The following CTNNA3 variants were observed in gnomAD, a reference collection of about 807,000 sequenced individuals.
CTNNA3 encodes catenin alpha 3, also known as catenin alpha-3.
Under a neutral mutation model 95.7 loss-of-function variants are expected in CTNNA3, and 76 were observed. The observed-to-expected ratio is 0.79, with a 90% CI of 0.66 to 0.96. The LOEUF (loss-of-function observed/expected upper bound fraction) is 0.96. Ranked by LOEUF, CTNNA3 falls within the 40% of genes least tolerant of loss-of-function variation. CTNNA3 has a pLI of 0.00. For missense variants in CTNNA3, 1,191 were observed against 1,089.8 expected (o/e 1.09, Z -1.31); for synonymous variants, 431 against 374.4 (o/e 1.15, Z -1.74).
intron 5 of CTNNA3, among the ~76,000 whole-genome samples, chr10:67,292,660 G>A (rs1283108349): frequency 3.9e-5 from 6 of 151,924 alleles, no homozygotes; most frequent in South Asian, 2.1e-4. Flanking sequence ...TTTTATCAAC[G>A]TTTGTAATAA....
intron 15 of CTNNA3, 44 bp downstream of exon 15, chr10:66,069,264 T>A (rs758607938): frequency 2.5e-6 from 4 of 1,575,120 alleles, no homozygotes; most frequent in Non-Finnish European, 3.5e-6. Flanking sequence ...TGACTAATAT[T>A]TTCAGCCATT....
chr10:66,006,784 T>A (rs751717895), intron 15 of CTNNA3, among the ~76,000 whole-genome samples: 11 of 152,224 alleles, frequency 7.2e-5, no homozygotes, highest in Non-Finnish European at 1.2e-4. Flanking sequence ...TTAGTTAGCA[T>A]CTGACCTTCT....
chr10:66,874,693 G>A (rs1488239438), intron 7 of CTNNA3, among the ~76,000 whole-genome samples: 1 of 152,028 alleles, frequency 6.6e-6, no homozygotes, highest in Non-Finnish European at 1.5e-5. Context: ...ATTCATCCTG[G>A]TATATACCAA....
At chr10:66,687,658 T>C (rs1470912414) in intron 9 of CTNNA3, among the ~76,000 whole-genome samples, 2 of 151,838 alleles carry the variant, frequency 1.3e-5, no homozygotes, top group Non-Finnish European at 2.9e-5. Context: ...CTACCTTTTT[T>C]TCTCACCTTA....
rs190104535 is a variant in CTNNA3 at position 66,144,138 on chromosome 10, T to G, written c.1885-40889A>C. On this transcript the variant is annotated intron_variant, in intron 13 of 17. Transcript: ENST00000433211. Reference sequence around the variant, plus strand: ...ATTGCATTTCTGTGATTTCTTTTTTTACTGCAGCATCTCTAAAATCTCTTC... The same window carrying G: ...ATTGCATTTCTGTGATTTCTTTTTTGACTGCAGCATCTCTAAAATCTCTTC... Among the ~76,000 whole-genome samples, 17 of 152,320 alleles carry G rather than the reference T, an allele frequency of 1.1e-4. No individual in the cohort carries two copies. The East Asian group carries it at 3.3e-3, about 29-fold the overall frequency.
chr10:67,613,898 T>C (rs1843553755), intron 2 of CTNNA3, among the ~76,000 whole-genome samples: 1 of 152,156 alleles, frequency 6.6e-6, no homozygotes, highest in Non-Finnish European at 1.5e-5. Context: ...AGTTGGTTCC[T>C]TCTGGTGGGT....
intron 13 of CTNNA3, among the ~76,000 whole-genome samples, chr10:66,145,378 G>A (rs989646201): frequency 6.6e-6 from 1 of 152,202 alleles, no homozygotes; most frequent in Admixed American, 6.5e-5. Context: ...AAGTAGCAGA[G>A]AGGCCCATGA....
At chr10:67,416,107 TC>T (rs1413602467) in intron 5 of CTNNA3, among the ~76,000 whole-genome samples, 1 of 151,978 alleles carries the variant, frequency 6.6e-6, no homozygotes, top group Non-Finnish European at 1.5e-5. Flanking sequence ...TATGGCTAAG[TC>T]CCCAAATGCA....
chr10:66,181,916 C>A (rs1374648740), intron 13 of CTNNA3, among the ~76,000 whole-genome samples: 3 of 152,196 alleles, frequency 2.0e-5, no homozygotes, highest in Non-Finnish European at 2.9e-5. Context: ...CAGTTACTTT[C>A]CCCTTAGGCT....
At chr10:66,249,590 C>A (rs1037124376) in intron 13 of CTNNA3, among the ~76,000 whole-genome samples, 1 of 152,136 alleles carries the variant, frequency 6.6e-6, no homozygotes, top group East Asian at 1.9e-4. Context: ...TAACATCTCA[C>A]CCCAGTTAAA....
intron 1 of CTNNA3, among the ~76,000 whole-genome samples, chr10:67,739,285 T>C (rs1340044933): frequency 6.6e-6 from 1 of 152,156 alleles, no homozygotes; most frequent in Non-Finnish European, 1.5e-5. Flanking sequence ...TCAACATTCT[T>C]AAAGAAAAGA....
At chr10:66,601,485 C>T (rs1455450714) in intron 10 of CTNNA3, among the ~76,000 whole-genome samples, 1 of 151,828 alleles carries the variant, frequency 6.6e-6, no homozygotes, top group East Asian at 1.9e-4. Context: ...CTCAAGTTCT[C>T]CAAAACCAGT....
At chr10:67,379,685 G>C (rs1843843507) in intron 5 of CTNNA3, among the ~76,000 whole-genome samples, 1 of 152,112 alleles carries the variant, frequency 6.6e-6, no homozygotes, top group South Asian at 2.1e-4. Flanking sequence ...AGACTTTAGA[G>C]TACAATGAGG....
intron 9 of CTNNA3, among the ~76,000 whole-genome samples, chr10:66,733,105 CT>C (rs145810111): frequency 0.082 from 12,420 of 151,852 alleles, 737 homozygotes; most frequent in East Asian, 0.23. Flanking sequence ...CAAGTCATAC[CT>C]TTTTAAAATA....
intron 7 of CTNNA3, among the ~76,000 whole-genome samples, chr10:67,139,299 ATTTTTTTTTTTTT>A (rs60290459): frequency 8.5e-6 from 1 of 117,922 alleles, no homozygotes; most frequent in Non-Finnish European, 1.7e-5. Context: ...CGCCCGGCTA[ATTTTTTTTTTTTT>A]TTTTTTTTGT....
intron 12 of CTNNA3, among the ~76,000 whole-genome samples, chr10:66,317,227 C>A (rs756979841): frequency 6.6e-6 from 1 of 152,042 alleles, no homozygotes; most frequent in Non-Finnish European, 1.5e-5. Flanking sequence ...TCTAAGAATA[C>A]TTCTTCGTTC....
chr10:65,971,737 G>A (rs748535447), intron 16 of CTNNA3, among the ~76,000 whole-genome samples: 1 of 151,816 alleles, frequency 6.6e-6, no homozygotes, highest in Non-Finnish European at 1.5e-5. Context: ...AACATACATA[G>A]AAGAGCTGAT....
chr10:66,012,745 G>A (rs142709581), intron 15 of CTNNA3, among the ~76,000 whole-genome samples: 7 of 152,146 alleles, frequency 4.6e-5, no homozygotes, highest in East Asian at 1.9e-4. Flanking sequence ...GTCTAATTTC[G>A]CACTGCATAT....
rs557849127 is a variant in CTNNA3 at position 67,561,736 on chromosome 10, T to C, written c.293-22067A>G. 4.6e-3 allele frequency among the ~76,000 whole-genome samples: 696 copies of C among 152,008 alleles called. 7 individuals carry two copies. The highest frequency in any genetic ancestry group is 0.016 in the African/African-American group (664 of 41,452). On this transcript the variant is annotated intron_variant, in intron 3 of 17. Transcript: ENST00000433211. ...GAAAGGATCAACAAAATTGATAGAC[T>C]GCTAGCAAGACTAAGAAAGACAAAA...
Sources: gnomAD v4.1 joint callset for allele counts (sites outside exome capture counted in the v4.1 genomes callset) on GRCh38, gnomAD v4.1.1 for gene constraint, MANE v1.5 for transcripts, NCBI Gene and HGNC (gene_info 2026-07-23, HGNC 2026-07-21) for gene names.